The following CDK17 variants were observed in gnomAD, a reference collection of about 807,000 sequenced individuals.
The protein encoded by CDK17 is cyclin-dependent kinase 17.
Under a neutral mutation model 77.6 loss-of-function variants are expected in CDK17, and 24 were observed. That is an observed-to-expected ratio of 0.31 (90% confidence interval 0.22 to 0.44). The LOEUF is 0.44. Ranked by LOEUF, CDK17 falls within the 20% of genes least tolerant of loss-of-function variation. CDK17 has a pLI of 1.00. For missense variants in CDK17, 429 were observed against 622.5 expected, an observed-to-expected ratio of 0.69 and a Z score of 3.31; for synonymous variants, 203 against 210.4, an observed-to-expected ratio of 0.96 and a Z score of 0.30.
At chr12:96,377,454 A>G (rs1016111221) in intron 1 of CDK17, among the ~76,000 whole-genome samples, 4 of 152,194 alleles carry the variant, frequency 2.6e-5, no homozygotes, top group Non-Finnish European at 4.4e-5. Flanking sequence ...GAGAATTCAA[A>G]GAAGGGAAAA....
chr12:96,352,882 A>C (rs1227579759), intron 1 of CDK17, among the ~76,000 whole-genome samples: 2 of 152,246 alleles, frequency 1.3e-5, no homozygotes, highest in Admixed American at 6.5e-5. Flanking sequence ...TTTATGAAAT[A>C]GTTTAATTGG....
At chr12:96,370,270 T>C (rs918921131) in intron 1 of CDK17, among the ~76,000 whole-genome samples, 5 of 152,246 alleles carry the variant, frequency 3.3e-5, no homozygotes, top group Admixed American at 6.5e-5. Flanking sequence ...CGAAGTCTTA[T>C]GAGTTGGTAT....
chr12:96,364,736 TA>T (rs1953555937), intron 1 of CDK17, among the ~76,000 whole-genome samples: 1 of 152,212 alleles, frequency 6.6e-6, no homozygotes, highest in South Asian at 2.1e-4. Flanking sequence ...CTTGAGTCCC[TA>T]AAAACAGAAA....
intron 1 of CDK17, among the ~76,000 whole-genome samples, chr12:96,368,116 G>A (rs1015694877): frequency 1.3e-5 from 2 of 151,934 alleles, no homozygotes; most frequent in African/African-American, 4.8e-5. Context: ...AAAAAAAAAA[G>A]AGTGTGTGGA....
In CDK17 at chr12:96,311,176, T is replaced by C. The variant is rs1565814316; in HGVS notation, c.419A>G (p.Asp140Gly). Residue 140 changes from aspartate to glycine, a missense_variant and splice_region_variant, in exon 5 of 17, where the codon GAT becomes GGT. Coordinates refer to ENST00000261211, the MANE Select transcript of CDK17 (RefSeq NM_002595.5). ...NRIHRRISME[D>G]LNKRLSLPAD... Reference sequence around the variant, plus strand: ...AGGCAGTGATAACCGCTTATTTAAATCCTTAAAAAAAAAAAAAGGTAATCC... The same window carrying C: ...AGGCAGTGATAACCGCTTATTTAAACCCTTAAAAAAAAAAAAAGGTAATCC... 2 of 1,506,802 alleles carry C rather than the reference T, an allele frequency of 1.3e-6. No individual in the cohort carries two copies. Among genetic ancestry groups the C allele is most frequent in the Non-Finnish European group, 1.8e-6 (2 of 1,140,538 alleles). 93.3% of individuals were successfully genotyped at this position (1,506,802 alleles called of 1,614,324 possible).
intron 1 of CDK17, among the ~76,000 whole-genome samples, chr12:96,373,556 T>C (rs892691207): frequency 2.6e-5 from 4 of 151,586 alleles, no homozygotes; most frequent in South Asian, 2.1e-4. Flanking sequence ...GATTGCGCCA[T>C]TGCACCCCAG....
intron 7 of CDK17, among the ~76,000 whole-genome samples, chr12:96,297,969 A>G (rs1004773150): frequency 6.6e-6 from 1 of 151,878 alleles, no homozygotes; most frequent in Non-Finnish European, 1.5e-5. Flanking sequence ...GTTTAAAGCA[A>G]TAATTTACCA....
intron 14 of CDK17, 120 bp downstream of exon 14, chr12:96,283,483 A>C (rs532006319): frequency 7.2e-6 from 5 of 699,208 alleles, no homozygotes; most frequent in Non-Finnish European, 1.3e-5. Flanking sequence ...CATGTGCCTT[A>C]AGCATAGATA....
At chr12:96,337,019 G>A (rs1459219942) in intron 1 of CDK17, among the ~76,000 whole-genome samples, 3 of 151,902 alleles carry the variant, frequency 2.0e-5, no homozygotes, top group East Asian at 3.9e-4. Context: ...ATATGTATAC[G>A]GAAAAAACGT....
intron 1 of CDK17, among the ~76,000 whole-genome samples, chr12:96,336,621 T>C (rs924973516): frequency 6.6e-6 from 1 of 152,232 alleles, no homozygotes; most frequent in Non-Finnish European, 1.5e-5. Context: ...TGGTGAGATA[T>C]TGAAAAGTTT....
chr12:96,292,851 A>C (rs1014791551), intron 10 of CDK17, among the ~76,000 whole-genome samples: 1 of 152,148 alleles, frequency 6.6e-6, no homozygotes, highest in African/African-American at 2.4e-5. Flanking sequence ...GCTAAAAAAA[A>C]AATAGATAAA....
chr12:96,353,775 C>T (rs1411845257), intron 1 of CDK17, among the ~76,000 whole-genome samples: 1 of 151,826 alleles, frequency 6.6e-6, no homozygotes, highest in Non-Finnish European at 1.5e-5. Context: ...ATTAATAATT[C>T]AATAAGAAAG....
intron 1 of CDK17, among the ~76,000 whole-genome samples, chr12:96,363,970 C>A (rs1192296937): frequency 6.6e-6 from 1 of 152,236 alleles, no homozygotes; most frequent in African/African-American, 2.4e-5. Context: ...CAGTCCCTTA[C>A]AGCATAATCC....
At chr12:96,367,119 C>T (rs1045179255) in intron 1 of CDK17, among the ~76,000 whole-genome samples, 6 of 151,296 alleles carry the variant, frequency 4.0e-5, no homozygotes, top group Admixed American at 6.6e-5. Context: ...CCGAGGCGGG[C>T]GGATCATGAG....
chr12:96,356,067 T>C (rs751690246), intron 1 of CDK17, among the ~76,000 whole-genome samples: 25 of 152,270 alleles, frequency 1.6e-4, no homozygotes, highest in Non-Finnish European at 2.6e-4. Flanking sequence ...CCCAGCAATA[T>C]AGGAGGCATT....
intron 1 of CDK17, among the ~76,000 whole-genome samples, chr12:96,352,443 G>A (rs1565832367): frequency 1.3e-5 from 2 of 152,022 alleles, no homozygotes; most frequent in Non-Finnish European, 2.9e-5. Context: ...GCTGTGCTGT[G>A]AAACAGAGAG....
chr12:96,288,693 T>C (rs571710700), intron 11 of CDK17, among the ~76,000 whole-genome samples: 1 of 152,336 alleles, frequency 6.6e-6, no homozygotes, highest in South Asian at 2.1e-4. Context: ...AGTGTCAGGA[T>C]CGAAGCGGTG....
chr12:96,357,133 A>G (rs919191244), intron 1 of CDK17, among the ~76,000 whole-genome samples: 1 of 152,188 alleles, frequency 6.6e-6, no homozygotes, highest in Non-Finnish European at 1.5e-5. Context: ...TTTGATATAC[A>G]AATGGTTATA....
intron 4 of CDK17, among the ~76,000 whole-genome samples, chr12:96,312,148 G>A (rs565881482): frequency 3.3e-5 from 5 of 152,064 alleles, no homozygotes; most frequent in Non-Finnish European, 7.4e-5. Context: ...GCATGGTGGT[G>A]TGTGCCTGTA....
Sources: allele counts gnomAD v4.1 joint callset (sites outside exome capture counted in the v4.1 genomes callset), GRCh38; gene constraint gnomAD v4.1.1; transcripts MANE v1.5; gene names NCBI Gene and HGNC (gene_info 2026-07-23, HGNC 2026-07-21).